Variants in DOCK11 observed in about 807,000 individuals in gnomAD.
DOCK11 encodes dedicator of cytokinesis protein 11.
In DOCK11, 70 loss-of-function variants were observed where a neutral mutation model predicts 169.1. The observed-to-expected ratio is 0.41, with a 90% confidence interval of 0.34 to 0.51. The LOEUF is 0.51. Among genes scored for constraint, DOCK11 ranks in the 20% least tolerant of loss-of-function variants. DOCK11 has a pLI of 0.10. For synonymous variants in DOCK11, 529 were observed against 541.3 expected, an observed-to-expected ratio of 0.98 and a Z score of 0.32; for missense variants, 1,166 against 1,538.8, an observed-to-expected ratio of 0.76 and a Z score of 4.05.
At chrX:118,564,078 G>A (rs962913840) in intron 7 of DOCK11, among the ~76,000 whole-genome samples, 2 of 111,479 alleles carry the variant, frequency 1.8e-5, no homozygotes, top group East Asian at 2.8e-4. Context: ...AGGTTTTGCC[G>A]GGAATCCTTG....
rs1281965615 is a variant in DOCK11, at chrX:118,546,129, T to C, written c.558+13T>C. 9.6e-7 allele frequency: 1 copy of C among 1,046,397 alleles called. No homozygotes were observed. Among genetic ancestry groups the C allele is most frequent in the Admixed American group, 2.3e-5 (1 of 43,171 alleles). The allele number at this position is 1,046,397 out of a possible 1,213,427, so 86.2% of individuals were successfully genotyped here. A position where few individuals can be genotyped will look rare whatever the true frequency, so the allele number is the denominator to read the frequency against. On this transcript the variant is annotated intron_variant, in intron 6 of 52. Transcript: ENST00000276202. ...AGTAACCATGAAGGTAGGAAGTAGT[T>C]ATTATATTATTCCATCATTTTAATG... is the stretch of plus-strand genomic sequence containing the variant.
intron 1 of DOCK11, among the ~76,000 whole-genome samples, chrX:118,504,119 CA>C: frequency 9.0e-6 from 1 of 111,107 alleles, no homozygotes. Flanking sequence ...ATTGGTTTCC[CA>C]GTCTTCACCC....
intron 1 of DOCK11, among the ~76,000 whole-genome samples, chrX:118,516,416 TC>T (rs1405596281): frequency 1.1e-5 from 1 of 91,744 alleles, no homozygotes; most frequent in Non-Finnish European, 2.2e-5. Context: ...TCTCCTCCCC[TC>T]CCCTCCCCTC....
intron 28 of DOCK11, among the ~76,000 whole-genome samples, chrX:118,610,923 C>T (rs759784675): frequency 3.6e-5 from 4 of 111,133 alleles, no homozygotes; most frequent in Admixed American, 9.6e-5. Context: ...CCTGTAATCC[C>T]AGCTACTTGG....
intron 1 of DOCK11, among the ~76,000 whole-genome samples, chrX:118,532,737 C>T (rs1432752872): frequency 1.0e-5 from 1 of 99,508 alleles, no homozygotes; most frequent in Admixed American, 1.1e-4. Flanking sequence ...GCCGAGATCG[C>T]GCCACTGCAC....
At chrX:118,549,326 T>C (rs745838827) in intron 6 of DOCK11, among the ~76,000 whole-genome samples, 1 of 107,725 alleles carries the variant, frequency 9.3e-6, no homozygotes, top group East Asian at 2.9e-4. Flanking sequence ...TGTATTTTTA[T>C]TAGAGACGGG....
At chrX:118,588,022 A>G in intron 16 of DOCK11, 115 bp from the exon 17 acceptor site, 1 of 715,191 alleles carries the variant, frequency 1.4e-6, no homozygotes, top group East Asian at 3.5e-5. Flanking sequence ...ACTAAGAATT[A>G]TGTTTTTTAA....
chrX:118,597,921 A>G (rs1369009964), intron 21 of DOCK11, 109 bp from the exon 22 acceptor site: 2 of 525,908 alleles, frequency 3.8e-6, no homozygotes, highest in Non-Finnish European at 2.9e-6. Context: ...ATCTCTTGGT[A>G]TGAAATTAAT....
chrX:118,536,971 G>T (rs966141408), intron 1 of DOCK11, among the ~76,000 whole-genome samples: 1 of 111,584 alleles, frequency 9.0e-6, no homozygotes, highest in Non-Finnish European at 1.9e-5. Context: ...AAGGAGAGCC[G>T]AATGACTAGG....
intron 31 of DOCK11, among the ~76,000 whole-genome samples, chrX:118,624,105 T>C (rs181708700): frequency 1.8e-5 from 2 of 112,848 alleles, no homozygotes; most frequent in African/African-American, 6.4e-5. Context: ...TTTCACTTCT[T>C]CCACTTACTC....
chrX:118,501,153 T>C (rs1229616060), intron 1 of DOCK11, among the ~76,000 whole-genome samples: 1 of 111,749 alleles, frequency 8.9e-6, no homozygotes, highest in Non-Finnish European at 1.9e-5. Context: ...TAAATAGCTA[T>C]ATATCTTTCT....
chrX:118,665,650 A>G (rs1438798702), intron 45 of DOCK11, among the ~76,000 whole-genome samples: 1 of 112,288 alleles, frequency 8.9e-6, no homozygotes, highest in Non-Finnish European at 1.9e-5. Flanking sequence ...TCTATTTGAT[A>G]TATACAGGTA....
chrX:118,609,799 G>A (rs1285398020), intron 27 of DOCK11, among the ~76,000 whole-genome samples: 2 of 112,240 alleles, frequency 1.8e-5, no homozygotes, highest in Non-Finnish European at 3.8e-5. Flanking sequence ...ACATTTTGTT[G>A]TAATTTTTAA....
At chrX:118,648,134 A>T (rs1272378589) in intron 40 of DOCK11, among the ~76,000 whole-genome samples, 1 of 78,907 alleles carries the variant, frequency 1.3e-5, no homozygotes, top group East Asian at 3.6e-4. Context: ...ATTATATAAT[A>T]TAATATATAA....
intron 22 of DOCK11, 90 bp from the exon 23 acceptor site, chrX:118,599,049 C>A: frequency 2.8e-6 from 2 of 718,614 alleles, no homozygotes; most frequent in South Asian, 2.4e-5. Context: ...ATAAATAGGT[C>A]TGCAAGATAC....
chrX:118,672,602 T>A (rs2016508069), intron 46 of DOCK11, among the ~76,000 whole-genome samples: 1 of 111,566 alleles, frequency 9.0e-6, no homozygotes, highest in South Asian at 3.7e-4. Flanking sequence ...CCGACTAATA[T>A]TTTTTTGTAT....
At chrX:118,621,997 T>C (rs917601281) in intron 31 of DOCK11, among the ~76,000 whole-genome samples, 1 of 111,823 alleles carries the variant, frequency 8.9e-6, no homozygotes, top group Admixed American at 9.5e-5. Flanking sequence ...ATGTTCAATA[T>C]CTAACATTTA....
In DOCK11 at chrX:118,495,990, T is replaced by C; in HGVS notation, c.19T>C (p.Phe7Leu). 9.2e-7 allele frequency: 1 copy of C among 1,087,998 alleles called. No homozygotes were observed. The highest frequency in any genetic ancestry group is 1.2e-6 in the Non-Finnish European group (1 of 838,514). The allele number at this position is 1,087,998 out of a possible 1,213,427, so 89.7% of individuals were successfully genotyped here. A position where few individuals can be genotyped will look rare whatever the true frequency, so the allele number is the denominator to read the frequency against. ...CGCTGCCATGGCCGAAGTGCGCAAA[T>C]TCACCAAACGGCTCAGCAAGCCTGG... MAEVRK[F>L]TKRLSKPGTA... is the part of the protein sequence containing the mutation. Residue 7 changes from phenylalanine (F) to leucine (L), a missense_variant, in exon 1 of 53, where the codon TTC (phenylalanine) becomes CTC (leucine). Transcript: ENST00000276202.
At chrX:118,553,099 G>T (rs143015710) in intron 6 of DOCK11, among the ~76,000 whole-genome samples, 27 of 111,571 alleles carry the variant, frequency 2.4e-4, no homozygotes, top group Non-Finnish European at 4.0e-4. Context: ...GTATTAGAGA[G>T]AAGTTTTAAG....
Sources: allele counts gnomAD v4.1 joint callset (sites outside exome capture counted in the v4.1 genomes callset), GRCh38; gene constraint gnomAD v4.1.1; transcripts MANE v1.5; gene names NCBI Gene and HGNC (gene_info 2026-07-23, HGNC 2026-07-21).